The following ASAP1 variants were observed in gnomAD, a reference collection of about 807,000 sequenced individuals.
ASAP1 encodes the protein arf-GAP with SH3 domain, ANK repeat and PH domain-containing protein 1.
ASAP1 carries 43 observed loss-of-function variants against 145.2 expected under a neutral mutation model. The ratio of observed to expected loss-of-function variants is 0.30; its 90% CI spans 0.23 to 0.38. ASAP1 has a LOEUF of 0.38. ASAP1 is among the 10% of genes least tolerant of loss of function. The probability of loss-of-function intolerance (pLI) is 1.00; values close to 1 mark genes in which losing one functional copy is unlikely to be tolerated. For synonymous variants in ASAP1, 546 were observed against 515.5 expected (o/e 1.06, Z -0.80); for missense variants, 1,018 against 1,355.3 (o/e 0.75, Z 3.91).
At chr8:130,279,987 C>T (rs1221112436) in intron 3 of ASAP1, among the ~76,000 whole-genome samples, 15 of 152,176 alleles carry the variant, frequency 9.9e-5, no homozygotes, top group Admixed American at 4.6e-4. Flanking sequence ...GTGTCTCATT[C>T]AGCAACTTTG....
At chr8:130,227,757 C>T (rs1297718317) in intron 4 of ASAP1, among the ~76,000 whole-genome samples, 1 of 151,504 alleles carries the variant, frequency 6.6e-6, no homozygotes, top group Admixed American at 6.6e-5. Flanking sequence ...TCCAAAAACC[C>T]CTGAAATTGA....
chr8:130,113,918 A>C (rs984690128), intron 23 of ASAP1, among the ~76,000 whole-genome samples: 1 of 151,858 alleles, frequency 6.6e-6, no homozygotes, highest in Non-Finnish European at 1.5e-5. Flanking sequence ...GGCAGCTGGG[A>C]CCACAGGCGC....
intron 3 of ASAP1, among the ~76,000 whole-genome samples, chr8:130,288,459 GCA>G (rs1174269889): frequency 6.6e-6 from 1 of 152,090 alleles, no homozygotes; most frequent in Non-Finnish European, 1.5e-5. Context: ...ATTTGGAGGC[GCA>G]GTGTCCTACC....
intron 13 of ASAP1, among the ~76,000 whole-genome samples, chr8:130,147,988 T>C (rs1377735261): frequency 1.3e-5 from 2 of 152,248 alleles, no homozygotes; most frequent in Non-Finnish European, 2.9e-5. Flanking sequence ...AAAGATGTAA[T>C]GCATTATTTA....
chr8:130,336,295 T>C (rs1206475985), intron 3 of ASAP1, among the ~76,000 whole-genome samples: 1 of 152,200 alleles, frequency 6.6e-6, no homozygotes, highest in East Asian at 1.9e-4. Flanking sequence ...TAAGGTTATA[T>C]ATACATCAAT....
chr8:130,391,633 G>A (rs1050595846), intron 2 of ASAP1, among the ~76,000 whole-genome samples: 3 of 152,226 alleles, frequency 2.0e-5, no homozygotes, highest in African/African-American at 7.2e-5. Flanking sequence ...ATGCCAAGGT[G>A]AGACATGCAG....
At chr8:130,304,397 C>A (rs956780416) in intron 3 of ASAP1, among the ~76,000 whole-genome samples, 1 of 152,116 alleles carries the variant, frequency 6.6e-6, no homozygotes, top group African/African-American at 2.4e-5. Flanking sequence ...TCATTTCCCC[C>A]CTCAATTGTT....
At chr8:130,066,582 TTTC>T (rs1223550778) in intron 27 of ASAP1, among the ~76,000 whole-genome samples, 1 of 152,156 alleles carries the variant, frequency 6.6e-6, no homozygotes, top group Non-Finnish European at 1.5e-5. Flanking sequence ...TTTTTCTTTC[TTTC>T]TTCTCTCTCT....
At chr8:130,300,806 A>G (rs1036340090) in intron 3 of ASAP1, among the ~76,000 whole-genome samples, 1 of 152,210 alleles carries the variant, frequency 6.6e-6, no homozygotes, top group Non-Finnish European at 1.5e-5. Flanking sequence ...CCTTTGGCCA[A>G]GAAAGAAGGA....
intron 5 of ASAP1, among the ~76,000 whole-genome samples, chr8:130,189,917 T>C (rs1045124307): frequency 1.3e-5 from 2 of 152,340 alleles, no homozygotes; most frequent in East Asian, 3.9e-4. Flanking sequence ...TGTTGAGCAT[T>C]TTTTAATAAA....
intron 3 of ASAP1, among the ~76,000 whole-genome samples, chr8:130,345,091 C>T (rs1323201895): frequency 2.0e-5 from 3 of 152,014 alleles, no homozygotes; most frequent in African/African-American, 7.3e-5. Flanking sequence ...CTTTTTGAGC[C>T]CGTTTCCTCA....
chr8:130,145,025 A>G (rs536830972), intron 13 of ASAP1, among the ~76,000 whole-genome samples: 85 of 152,228 alleles, frequency 5.6e-4, no homozygotes, highest in Non-Finnish European at 7.9e-4. Context: ...AGAAAAAAAG[A>G]GCTTACTGGG....
rs1222612848 is a variant in ASAP1, at chr8:130,267,132, A to C, written c.187-30138T>G. 2.8e-5 allele frequency among the ~76,000 whole-genome samples: 4 copies of C among 144,220 alleles called. No homozygotes were observed. The East Asian group carries it at 9.3e-4, about 33-fold the overall frequency. 94.6% of individuals were successfully genotyped at this position (144,220 alleles called of 152,430 possible). ...CAAACAAACAAACAAACAAAAAAAA[A>C]ACAAAACAAAAAACAAAACAAAAAA... On this transcript the variant is annotated intron_variant, in intron 3 of 29. Coordinates refer to ENST00000518721, the MANE Select transcript of ASAP1 (RefSeq NM_018482.4).
intron 3 of ASAP1, among the ~76,000 whole-genome samples, chr8:130,258,211 T>C (rs897280625): frequency 2.6e-5 from 4 of 152,154 alleles, no homozygotes; most frequent in African/African-American, 4.8e-5. Flanking sequence ...AGGGCACGTT[T>C]AGATGCTTGA....
At chr8:130,084,804 C>A (rs1000160727) in intron 25 of ASAP1, 16 of 145,672 alleles carry the variant, frequency 1.1e-4, no homozygotes, top group African/African-American at 4.3e-4. Flanking sequence ...AACAAAAAAA[C>A]AAAGGAAAAG....
intron 1 of ASAP1, among the ~76,000 whole-genome samples, chr8:130,438,067 C>T (rs894852234): frequency 6.6e-6 from 1 of 152,180 alleles, no homozygotes; most frequent in African/African-American, 2.4e-5. Flanking sequence ...AGGCAGCAGA[C>T]GCCCTCAGTC....
At chr8:130,126,237 C>T in intron 16 of ASAP1, 148 bp from the exon 17 acceptor site, 2 of 755,250 alleles carry the variant, frequency 2.6e-6, no homozygotes, top group Non-Finnish European at 2.0e-6. Flanking sequence ...GAGGTTTAGC[C>T]TAGGGGCTAC....
At chr8:130,302,542 G>A (rs1030745974) in intron 3 of ASAP1, among the ~76,000 whole-genome samples, 3 of 152,172 alleles carry the variant, frequency 2.0e-5, no homozygotes, top group African/African-American at 7.2e-5. Flanking sequence ...CCTCTAATGG[G>A]CACTGAAAAG....
rs146734603 is a variant in ASAP1 at position 130,355,760 on chromosome 8, T to C, written c.186+2257A>G. 8.0e-3 allele frequency among the ~76,000 whole-genome samples: 1,218 copies of C among 152,314 alleles called. 19 individuals carry two copies. The highest frequency in any genetic ancestry group is 0.028 in the African/African-American group (1,165 of 41,548). On this transcript the variant is annotated intron_variant, in intron 3 of 29. Transcript: ENST00000518721. ...AAAATTAAAATTCAACTATGGTGGC[T>C]ATCCTTCAGTAAAAAAACCTAAAGC...
Sources: allele counts gnomAD v4.1 joint callset (sites outside exome capture counted in the v4.1 genomes callset), GRCh38; gene constraint gnomAD v4.1.1; transcripts MANE v1.5; gene names NCBI Gene and HGNC (gene_info 2026-07-23, HGNC 2026-07-21).